The following CBLB variants were observed in gnomAD, a reference collection of about 807,000 sequenced individuals.
The protein encoded by CBLB is E3 ubiquitin-protein ligase CBL-B.
CBLB carries 31 observed loss-of-function variants against 104.9 expected under a neutral mutation model. The observed-to-expected ratio is 0.30, with a 90% CI of 0.22 to 0.40. The LOEUF (loss-of-function observed/expected upper bound fraction) is 0.40, where lower values mean the gene tolerates loss of function less well. Among genes scored for constraint, CBLB ranks in the 10% least tolerant of loss-of-function variants. The probability of loss-of-function intolerance (pLI) is 1.00; values close to 1 mark genes in which losing one functional copy is unlikely to be tolerated. For synonymous variants in CBLB, 440 were observed against 422.6 expected, an observed-to-expected ratio of 1.04 and a Z score of -0.51; for missense variants, 1,062 against 1,214.6, an observed-to-expected ratio of 0.87 and a Z score of 1.87.
intron 5 of CBLB, among the ~76,000 whole-genome samples, 173 bp from the exon 6 acceptor site, chr3:105,746,211 T>TC (rs2076084603): frequency 6.6e-6 from 1 of 152,222 alleles, no homozygotes. Flanking sequence ...TTCAAGTCTA[T>TC]TGTTCTTTAC....
chr3:105,704,798 C>A (rs537464360), intron 10 of CBLB, among the ~76,000 whole-genome samples: 2 of 139,830 alleles, frequency 1.4e-5, no homozygotes, highest in East Asian at 4.1e-4. Flanking sequence ...GTACTTCTGG[C>A]AAAAACTAAG....
intron 3 of CBLB, among the ~76,000 whole-genome samples, chr3:105,802,705 T>C (rs2083035606): frequency 3.0e-5 from 1 of 33,302 alleles, no homozygotes; most frequent in Non-Finnish European, 6.8e-5. Context: ...CTTCAATCTG[T>C]ACTTCAGGAT....
intron 3 of CBLB, among the ~76,000 whole-genome samples, chr3:105,795,872 T>A (rs948186464): frequency 3.3e-5 from 5 of 151,974 alleles, no homozygotes; most frequent in African/African-American, 1.2e-4. Flanking sequence ...GCCTCCCGAG[T>A]AGCTGGGTCT....
chr3:105,799,922 G>A (rs368272697), intron 3 of CBLB, among the ~76,000 whole-genome samples: 1 of 152,086 alleles, frequency 6.6e-6, no homozygotes, highest in East Asian at 1.9e-4. Context: ...CATATTTCCA[G>A]TATTAAAATA....
At chr3:105,793,363 A>G (rs1015496460) in intron 3 of CBLB, among the ~76,000 whole-genome samples, 11 of 152,138 alleles carry the variant, frequency 7.2e-5, no homozygotes, top group African/African-American at 2.6e-4. Context: ...AAAATGAACT[A>G]AGGGGCTCTG....
At chr3:105,734,253 T>C (rs1576709714) in intron 8 of CBLB, 113 bp from the exon 9 acceptor site, 2 of 1,058,864 alleles carry the variant, frequency 1.9e-6, no homozygotes, top group African/African-American at 3.2e-5. Context: ...CAATTGACCT[T>C]GTCAGAATTT....
chr3:105,727,496 T>A lies in CBLB; in HGVS notation c.1203+6513A>T, dbSNP rs143020148. On this transcript the variant is annotated intron_variant, in intron 9 of 18. Transcript: ENST00000394030. ...TAAAAATTTTCCCTCATTCTGTAGG[T>A]TGTCTGTTCACTCTGACGACAGTTT... Among the ~76,000 whole-genome samples the A allele has an allele frequency of 1.6e-4, 25 of 152,324 alleles. 2 individuals are homozygous for A. In the East Asian group the frequency reaches 4.6e-3, roughly 28 times the overall value.
At position 105,846,139 on chromosome 3, in the gene CBLB, C is replaced by G. The variant is rs188359889; in HGVS notation, c.419+7275G>C. On this transcript the variant is annotated intron_variant, in intron 3 of 18. Coordinates refer to ENST00000394030, the MANE Select transcript of CBLB (RefSeq NM_170662.5). ...AATGAGTAAATGTATATGTTTATAT[C>G]AAAATACTTGTGTTCAAAAGAAATT... Among the ~76,000 whole-genome samples, 3 of 152,018 alleles carry G rather than the reference C, an allele frequency of 2.0e-5. No individual in the cohort carries two copies. The East Asian group carries it at 5.8e-4, about 29-fold the overall frequency.
chr3:105,868,427 T>G (rs1366309646), intron 1 of CBLB: 2 of 389,102 alleles, frequency 5.1e-6, no homozygotes, highest in Non-Finnish European at 9.0e-6. Context: ...GGGGACAAAG[T>G]GTCCCTCCCG....
intron 10 of CBLB, among the ~76,000 whole-genome samples, chr3:105,707,152 T>C (rs1017727458): frequency 9.9e-5 from 15 of 152,146 alleles, no homozygotes; most frequent in Non-Finnish European, 1.8e-4. Flanking sequence ...TCCAAACCAA[T>C]GTGTGTGGCA....
chr3:105,679,778 A>C (rs2066090886), intron 16 of CBLB, among the ~76,000 whole-genome samples: 1 of 152,170 alleles, frequency 6.6e-6, no homozygotes, highest in Non-Finnish European at 1.5e-5. Context: ...GTCTCAAAAA[A>C]AAAAAAAGAT....
chr3:105,838,854 G>T (rs1039985255), intron 3 of CBLB, among the ~76,000 whole-genome samples: 47 of 151,918 alleles, frequency 3.1e-4, no homozygotes, highest in African/African-American at 1.1e-3. Flanking sequence ...TGGCCAGGAT[G>T]GTCTTGATCT....
At chr3:105,786,404 C>A (rs546538840) in intron 3 of CBLB, among the ~76,000 whole-genome samples, 1 of 152,124 alleles carries the variant, frequency 6.6e-6, no homozygotes, top group African/African-American at 2.4e-5. Flanking sequence ...AGACTCACTG[C>A]AATGTCTCCG....
intron 3 of CBLB, among the ~76,000 whole-genome samples, chr3:105,784,171 T>G (rs2080668131): frequency 6.6e-6 from 1 of 152,198 alleles, no homozygotes; most frequent in Admixed American, 6.5e-5. Flanking sequence ...CTTCTTTTGA[T>G]GAAACCTAAT....
Position 105,681,826 on chromosome 3 carries a change from A to G in CBLB, c.2202-8T>C, listed in dbSNP as rs748475813. The G allele has an allele frequency of 6.5e-7, 1 of 1,536,942 alleles. No individual in the cohort carries two copies. Among genetic ancestry groups the G allele is most frequent in the South Asian group, 1.1e-5 (1 of 89,496 alleles). ...TGACCATTATCACAAGACCTAAAGG[A>G]CAGTTCAGAGTAAAATTATATAAGG... On this transcript the variant is annotated splice_polypyrimidine_tract_variant and splice_region_variant and intron_variant, in intron 14 of 18. Coordinates refer to ENST00000394030, the MANE Select transcript of CBLB (RefSeq NM_170662.5).
Position 105,708,718 on chromosome 3 carries a change from G to A in CBLB, c.1408-4545C>T, listed in dbSNP as rs72993736. On this transcript the variant is annotated intron_variant, in intron 10 of 18. Coordinates refer to ENST00000394030, the MANE Select transcript of CBLB (RefSeq NM_170662.5). ...CCACCTATTGGTGGTGTTATCTGTA[G>A]ATTAAAGAATAAAATTAATGCATTT... 6.1e-3 allele frequency among the ~76,000 whole-genome samples: 924 copies of A among 151,928 alleles called. 10 individuals are homozygous for A. Among genetic ancestry groups the A allele is most frequent in the African/African-American group, 0.021 (882 of 41,502 alleles).
At chr3:105,706,691 C>T (rs1036492277) in intron 10 of CBLB, among the ~76,000 whole-genome samples, 12 of 152,032 alleles carry the variant, frequency 7.9e-5, no homozygotes, top group African/African-American at 2.7e-4. Context: ...AAAGCTATTA[C>T]CTGAAAAAAA....
In CBLB at chr3:105,822,078, C is replaced by T. The variant is rs545773875; in HGVS notation, c.419+31336G>A. On this transcript the variant is annotated intron_variant, in intron 3 of 18. Transcript: ENST00000394030. ...GTATAAGTTATTTAACCAATTGACA[C>T]TATTATAAATAACTTATATTATTAT... 2.6e-5 allele frequency among the ~76,000 whole-genome samples: 4 copies of T among 152,058 alleles called. No homozygotes were observed. In the South Asian group the frequency reaches 6.2e-4, roughly 24 times the overall value.
intron 4 of CBLB, among the ~76,000 whole-genome samples, chr3:105,775,395 G>A (rs2042552732): frequency 6.6e-6 from 1 of 150,862 alleles, no homozygotes; most frequent in Admixed American, 6.6e-5. Context: ...ACAAACAAAG[G>A]AAAACCAATA....
Sources: gnomAD v4.1 joint callset for allele counts (sites outside exome capture counted in the v4.1 genomes callset) on GRCh38, gnomAD v4.1.1 for gene constraint, MANE v1.5 for transcripts, NCBI Gene and HGNC (gene_info 2026-07-23, HGNC 2026-07-21) for gene names.